Variants in STX18 observed in about 807,000 individuals in gnomAD.
The protein encoded by STX18 is syntaxin-18.
STX18 carries 40 observed loss-of-function variants against 50.1 expected under a neutral mutation model. That is an observed-to-expected ratio of 0.80 (90% CI 0.62 to 1.04). STX18 has a LOEUF of 1.04. Among genes scored for constraint, STX18 ranks in the 50% least tolerant of loss-of-function variants. STX18 has a pLI of 0.00. For synonymous variants in STX18, 158 were observed against 151.8 expected (o/e 1.04, Z -0.30); for missense variants, 410 against 415.8 (o/e 0.99, Z 0.12).
intron 5 of STX18, among the ~76,000 whole-genome samples, chr4:4,454,641 A>C (rs1726970840): frequency 1.3e-5 from 2 of 152,160 alleles, no homozygotes; most frequent in South Asian, 4.1e-4. Flanking sequence ...CTCTTCCCCA[A>C]GTCTGGACTG....
At chr4:4,457,143 T>C (rs1727122987) in intron 5 of STX18, 48 bp downstream of exon 5, 3 of 1,514,414 alleles carry the variant, frequency 2.0e-6, no homozygotes, top group Middle Eastern at 1.7e-4. Flanking sequence ...CTGCTATTAT[T>C]AGTAGTACTA....
At chr4:4,470,492 C>T (rs1560180191) in intron 2 of STX18, among the ~76,000 whole-genome samples, 2 of 152,096 alleles carry the variant, frequency 1.3e-5, no homozygotes, top group Non-Finnish European at 1.5e-5. Context: ...ACGATGGAAA[C>T]CTGACAAGGT....
intron 1 of STX18, among the ~76,000 whole-genome samples, chr4:4,518,071 C>T (rs1278421775): frequency 6.6e-6 from 1 of 152,180 alleles, no homozygotes; most frequent in Non-Finnish European, 1.5e-5. Context: ...CCACACCCGG[C>T]CTATATGTGT....
chr4:4,457,681 G>A (rs933883920), intron 3 of STX18, among the ~76,000 whole-genome samples, 181 bp from the exon 4 acceptor site: 1 of 152,216 alleles, frequency 6.6e-6, no homozygotes, highest in African/African-American at 2.4e-5. Context: ...CTTCGCAAGA[G>A]TGAAAGATTA....
chr4:4,450,502 C>T (rs901782109), intron 5 of STX18, among the ~76,000 whole-genome samples: 8 of 152,134 alleles, frequency 5.3e-5, no homozygotes, highest in African/African-American at 1.9e-4. Context: ...CGGGGTTTTG[C>T]CATATTGCCC....
intron 1 of STX18, among the ~76,000 whole-genome samples, chr4:4,531,023 A>G (rs1046021555): frequency 2.1e-4 from 32 of 152,142 alleles, no homozygotes; most frequent in Non-Finnish European, 4.0e-4. Flanking sequence ...AATTTATTTT[A>G]ATGTATGTAT....
At chr4:4,474,300 C>T (rs190188142) in intron 1 of STX18, among the ~76,000 whole-genome samples, 164 of 149,960 alleles carry the variant, frequency 1.1e-3, no homozygotes, top group Non-Finnish European at 1.9e-3. Context: ...TCTGAGAGGG[C>T]AGAGAGTCCT....
At chr4:4,541,730 G>T in intron 1 of STX18, 67 bp downstream of exon 1, 1 of 1,539,012 alleles carries the variant, frequency 6.5e-7, no homozygotes, top group South Asian at 1.3e-5. Context: ...GTCTGGTTTG[G>T]GGCCCGGGGT....
intron 1 of STX18, among the ~76,000 whole-genome samples, chr4:4,478,242 AC>A: frequency 6.6e-6 from 1 of 151,358 alleles, no homozygotes; most frequent in Non-Finnish European, 1.5e-5. Flanking sequence ...AAAAACAAAA[AC>A]GTTTTCACTG....
intron 2 of STX18, among the ~76,000 whole-genome samples, chr4:4,469,041 C>T (rs763975165): frequency 6.6e-6 from 1 of 152,126 alleles, no homozygotes; most frequent in Non-Finnish European, 1.5e-5. Context: ...AGAGTGTGTA[C>T]CATACAAGTC....
intron 5 of STX18, among the ~76,000 whole-genome samples, chr4:4,455,175 C>G (rs1193695732): frequency 6.6e-6 from 1 of 152,178 alleles, no homozygotes. Flanking sequence ...GTACCATTTC[C>G]CCCTCTGAGC....
chr4:4,527,262 A>C (rs1383034390), intron 1 of STX18, among the ~76,000 whole-genome samples: 2 of 152,230 alleles, frequency 1.3e-5, no homozygotes, highest in African/African-American at 4.8e-5. Context: ...ATATTTTGCA[A>C]GAATATTTCC....
At chr4:4,525,505 T>A (rs1045338837) in intron 1 of STX18, among the ~76,000 whole-genome samples, 1 of 152,232 alleles carries the variant, frequency 6.6e-6, no homozygotes, top group Non-Finnish European at 1.5e-5. Context: ...CTTCTGTTCA[T>A]TTATTCAAAT....
At chr4:4,446,827 A>G (rs545890299) in intron 5 of STX18, among the ~76,000 whole-genome samples, 9 of 152,362 alleles carry the variant, frequency 5.9e-5, no homozygotes, top group African/African-American at 2.2e-4. Flanking sequence ...AGATCCACAC[A>G]AAGGCCTATA....
At chr4:4,468,860 C>T (rs1727758888) in intron 2 of STX18, among the ~76,000 whole-genome samples, 1 of 152,106 alleles carries the variant, frequency 6.6e-6, no homozygotes, top group African/African-American at 2.4e-5. Flanking sequence ...CTAATAGTCT[C>T]AAAGTGGAAA....
At chr4:4,468,451 T>C (rs967804806) in intron 2 of STX18, among the ~76,000 whole-genome samples, 7 of 152,074 alleles carry the variant, frequency 4.6e-5, no homozygotes, top group East Asian at 1.9e-4. Context: ...CCTGCGATGA[T>C]AGCTATCAGA....
intron 1 of STX18, among the ~76,000 whole-genome samples, chr4:4,515,774 T>C (rs919081205): frequency 1.3e-5 from 2 of 152,182 alleles, no homozygotes; most frequent in Non-Finnish European, 1.5e-5. Flanking sequence ...AAAAGAGTTA[T>C]AGTCAGCAGC....
chr4:4,493,153 ACAAT>A (rs949056819), intron 1 of STX18, among the ~76,000 whole-genome samples: 28 of 152,348 alleles, frequency 1.8e-4, no homozygotes, highest in Non-Finnish European at 3.7e-4. Flanking sequence ...CTGCTTTCAG[ACAAT>A]CAAAGTCTTT....
At chr4:4,480,787 A>G (rs1728422907) in intron 1 of STX18, among the ~76,000 whole-genome samples, 1 of 152,244 alleles carries the variant, frequency 6.6e-6, no homozygotes, top group African/African-American at 2.4e-5. Flanking sequence ...AGCAGCAGTA[A>G]TAACAGGACC....
Sources: gnomAD v4.1 joint callset for allele counts (sites outside exome capture counted in the v4.1 genomes callset) on GRCh38, gnomAD v4.1.1 for gene constraint, MANE v1.5 for transcripts, NCBI Gene and HGNC (gene_info 2026-07-23, HGNC 2026-07-21) for gene names.